The following ACTG2 variants were observed in gnomAD, a reference collection of about 807,000 sequenced individuals.
The protein encoded by ACTG2 is actin, gamma-enteric smooth muscle.
In ACTG2, 16 loss-of-function variants were observed where a neutral mutation model predicts 37.6. The ratio of observed to expected loss-of-function variants is 0.43; its 90% CI spans 0.29 to 0.65. ACTG2 has a LOEUF of 0.65. Among genes scored for constraint, ACTG2 ranks in the 30% least tolerant of loss-of-function variants. The probability of loss-of-function intolerance (pLI) is 0.18; values close to 1 mark genes in which losing one functional copy is unlikely to be tolerated. For missense variants in ACTG2, 238 were observed against 490.9 expected, an observed-to-expected ratio of 0.48 and a Z score of 4.87; for synonymous variants, 181 against 179.9, an observed-to-expected ratio of 1.01 and a Z score of -0.05.
intron 1 of ACTG2, among the ~76,000 whole-genome samples, chr2:73,901,026 A>G (rs1573460978): frequency 6.6e-6 from 1 of 152,184 alleles, no homozygotes; most frequent in African/African-American, 2.4e-5. Context: ...TAAAGACCCT[A>G]TCTCCAAATA....
At chr2:73,914,518 C>T (rs1680217230) in intron 6 of ACTG2, among the ~76,000 whole-genome samples, 162 bp from the exon 7 acceptor site, 1 of 148,304 alleles carries the variant, frequency 6.7e-6, no homozygotes, top group African/African-American at 2.5e-5. Flanking sequence ...AAGATAGCAC[C>T]ACTGCACTTC....
intron 7 of ACTG2, 42 bp from the exon 8 acceptor site, chr2:73,916,542 A>G: frequency 1.3e-6 from 2 of 1,570,780 alleles, no homozygotes; most frequent in South Asian, 2.3e-5. Flanking sequence ...GTGCATATTT[A>G]GGAAGTGATG....
chr2:73,916,822 G>C lies in ACTG2; in HGVS notation c.987+57G>C. ...TCTTTGTATAAAGTCTTGCCTACCT[G>C]GGAGTTCCTCGGAGGCAGACTGCCA... On this transcript the variant is annotated intron_variant, in intron 8 of 8. Transcript: ENST00000345517. The C allele has an allele frequency of 1.9e-6, 3 of 1,572,100 alleles. No homozygotes were observed. In the South Asian group the frequency reaches 3.5e-5, roughly 18 times the overall value.
chr2:73,898,919 C>T (rs1197845925), intron 1 of ACTG2, among the ~76,000 whole-genome samples: 2 of 151,022 alleles, frequency 1.3e-5, no homozygotes, highest in East Asian at 3.9e-4. Flanking sequence ...TCTCCTGCCT[C>T]AGCCTCCCGA....
chr2:73,899,367 T>G (rs1679827199), intron 1 of ACTG2, among the ~76,000 whole-genome samples: 2 of 151,900 alleles, frequency 1.3e-5, no homozygotes, highest in African/African-American at 4.8e-5. Context: ...GATGCTGAGG[T>G]GGGAGGATCG....
chr2:73,908,572 C>T (rs777916613), intron 3 of ACTG2, 101 bp from the exon 4 acceptor site: 177 of 991,464 alleles, frequency 1.8e-4, no homozygotes, highest in South Asian at 7.3e-4. Context: ...CCATCCCATC[C>T]TGTGTAACAT....
At chr2:73,897,820 C>T (rs1211100245) in intron 1 of ACTG2, among the ~76,000 whole-genome samples, 1 of 152,160 alleles carries the variant, frequency 6.6e-6, no homozygotes, top group Non-Finnish European at 1.5e-5. Flanking sequence ...TGTTGCTGCA[C>T]CGTTACATGG....
intron 1 of ACTG2, chr2:73,897,137 G>A (rs945275935): frequency 6.6e-6 from 1 of 152,196 alleles, no homozygotes; most frequent in African/African-American, 2.4e-5. Flanking sequence ...CAAGCCACCT[G>A]AAGGGCTGCA....
chr2:73,913,703 A>G, intron 6 of ACTG2, 57 bp downstream of exon 6: 1 of 1,472,606 alleles, frequency 6.8e-7, no homozygotes, highest in Non-Finnish European at 9.3e-7. Flanking sequence ...GGTTTAGGAC[A>G]AGAAGTTCTC....
chr2:73,903,949 A>C (rs1470196721), intron 3 of ACTG2, among the ~76,000 whole-genome samples: 19 of 97,140 alleles, frequency 2.0e-4, no homozygotes, highest in African/African-American at 3.2e-4. Flanking sequence ...CAAAAAAAAA[A>C]AAAAAAAAAA....
At chr2:73,895,992 T>C (rs528565615) in intron 1 of ACTG2, among the ~76,000 whole-genome samples, 12 of 152,316 alleles carry the variant, frequency 7.9e-5, no homozygotes, top group Middle Eastern at 3.4e-3. Flanking sequence ...GTCATATAAT[T>C]TCCATGGGTC....
At chr2:73,919,401 G>A in intron 8 of ACTG2, 31 bp from the exon 9 acceptor site, 1 of 1,609,574 alleles carries the variant, frequency 6.2e-7, no homozygotes, top group Non-Finnish European at 8.5e-7. Context: ...CTTGGGGACT[G>A]ATCATGATTC....
chr2:73,918,724 G>A (rs1680321114), intron 8 of ACTG2, among the ~76,000 whole-genome samples: 1 of 152,162 alleles, frequency 6.6e-6, no homozygotes, highest in Non-Finnish European at 1.5e-5. Context: ...TAAATTTGAG[G>A]ACTTCTGAGA....
At chr2:73,901,527 A>T in intron 2 of ACTG2, 90 bp downstream of exon 2, 6 of 1,225,046 alleles carry the variant, frequency 4.9e-6, no homozygotes, top group East Asian at 3.8e-5. Context: ...GGTTAGGGGA[A>T]GGAAATGTGT....
chr2:73,907,672 G>A (rs937272733), intron 3 of ACTG2, among the ~76,000 whole-genome samples: 4 of 152,038 alleles, frequency 2.6e-5, no homozygotes, highest in Admixed American at 1.3e-4. Context: ...TGTAGAGACA[G>A]GCCCACAGTG....
At chr2:73,908,828 T>G (rs764080996) in intron 4 of ACTG2, 45 bp downstream of exon 4, 2 of 1,497,318 alleles carry the variant, frequency 1.3e-6, no homozygotes, top group Non-Finnish European at 1.9e-6. Flanking sequence ...GAATGCAACA[T>G]GGATGCTTGG....
intron 5 of ACTG2, among the ~76,000 whole-genome samples, chr2:73,913,030 G>A (rs1372793936): frequency 1.3e-5 from 2 of 151,912 alleles, no homozygotes; most frequent in South Asian, 2.1e-4. Context: ...TTAGCCGGGC[G>A]TGGTGGCAGG....
chr2:73,910,646 G>A (rs1680112793), intron 5 of ACTG2, among the ~76,000 whole-genome samples: 3 of 147,048 alleles, frequency 2.0e-5, no homozygotes, highest in Non-Finnish European at 3.0e-5. Flanking sequence ...CTACAGGAGC[G>A]TGCCACCATG....
rs747241400 is a variant in ACTG2 at position 73,901,392 on chromosome 2, C to T, written c.81C>T (p.Ala27=). ...LCKAGFAGDD[A]PRAVFPSIVG... Reference sequence around the variant, plus strand: ...AGGCAGGCTTCGCAGGAGATGATGCCCCCCGGGCTGTCTTCCCCTCCATTG... The same window carrying T: ...AGGCAGGCTTCGCAGGAGATGATGCTCCCCGGGCTGTCTTCCCCTCCATTG... Residue 27 remains alanine, a synonymous_variant, in exon 2 of 9, where the codon GCC becomes GCT. Coordinates refer to ENST00000345517, the MANE Select transcript of ACTG2 (RefSeq NM_001615.4). The T allele has an allele frequency of 4.3e-6, 7 of 1,614,038 alleles. No individual in the cohort carries two copies. Among genetic ancestry groups the T allele is most frequent in the African/African-American group, 2.7e-5 (2 of 74,922 alleles).
Sources: allele counts gnomAD v4.1 joint callset (sites outside exome capture counted in the v4.1 genomes callset), GRCh38; gene constraint gnomAD v4.1.1; transcripts MANE v1.5; gene names NCBI Gene and HGNC (gene_info 2026-07-23, HGNC 2026-07-21).